ANK3: variants seen among roughly 807,000 people sequenced by gnomAD.
ANK3 encodes the protein ankyrin 3.
ANK3 carries 57 observed loss-of-function variants against 370.9 expected under a neutral mutation model. The ratio of observed to expected loss-of-function variants is 0.15; its 90% CI spans 0.12 to 0.19. The LOEUF (loss-of-function observed/expected upper bound fraction) is 0.19, where lower values mean the gene tolerates loss of function less well. ANK3 is among the 10% of genes least tolerant of loss of function. The pLI, the probability that ANK3 is intolerant of heterozygous loss-of-function variation, is 1.00. For missense variants in ANK3, 4,439 were observed against 5,302.1 expected, an observed-to-expected ratio of 0.84 and a Z score of 5.06; for synonymous variants, 1,929 against 1,946.3, an observed-to-expected ratio of 0.99 and a Z score of 0.23.
chr10:60,159,451 T>G (rs1040892210), intron 23 of ANK3, among the ~76,000 whole-genome samples: 3 of 152,102 alleles, frequency 2.0e-5, no homozygotes, highest in East Asian at 1.9e-4. Context: ...AAGAGAGAGA[T>G]AGACCCCAAT....
intron 7 of ANK3, among the ~76,000 whole-genome samples, chr10:60,238,830 A>T (rs930743705): frequency 1.3e-5 from 2 of 152,098 alleles, no homozygotes; most frequent in Non-Finnish European, 2.9e-5. Flanking sequence ...GAGTATGCTC[A>T]TTTCCAGGTA....
intron 1 of ANK3, among the ~76,000 whole-genome samples, chr10:60,363,003 T>C (rs1190705157): frequency 6.6e-6 from 1 of 151,160 alleles, no homozygotes; most frequent in Non-Finnish European, 1.5e-5. Flanking sequence ...CAAGCCGTTT[T>C]CTTTTGCTAC....
chr10:60,543,780 C>T (rs571346025), intron 2 of ANK3, among the ~76,000 whole-genome samples: 1 of 152,028 alleles, frequency 6.6e-6, no homozygotes, highest in African/African-American at 2.4e-5. Context: ...CAATGCCCAC[C>T]TTCTCCCACC....
chr10:60,377,664 G>T (rs1193362800), intron 1 of ANK3, among the ~76,000 whole-genome samples: 2 of 152,122 alleles, frequency 1.3e-5, no homozygotes, highest in Non-Finnish European at 2.9e-5. Context: ...GAAAGTAAAA[G>T]CCTTCTCCAA....
chr10:60,404,387 C>A (rs1249982854), intron 2 of ANK3, among the ~76,000 whole-genome samples: 1 of 152,022 alleles, frequency 6.6e-6, no homozygotes, highest in Non-Finnish European at 1.5e-5. Context: ...ATGGTACTGG[C>A]ATTAAGATAG....
At chr10:60,483,461 C>G (rs2075274757) in intron 2 of ANK3, among the ~76,000 whole-genome samples, 1 of 152,126 alleles carries the variant, frequency 6.6e-6, no homozygotes, top group Admixed American at 6.6e-5. Context: ...CCTTGCCGCC[C>G]ATTTTCTTCT....
intron 2 of ANK3, among the ~76,000 whole-genome samples, chr10:60,411,465 C>T (rs1466008965): frequency 6.6e-6 from 1 of 152,138 alleles, no homozygotes; most frequent in Non-Finnish European, 1.5e-5. Context: ...TAAAAGAGAA[C>T]CACTTCTAAT....
intron 25 of ANK3, among the ~76,000 whole-genome samples, chr10:60,133,162 T>C (rs909968207): frequency 6.6e-6 from 1 of 152,244 alleles, no homozygotes; most frequent in Non-Finnish European, 1.5e-5. Context: ...GACTATCATT[T>C]ATTCATCTGC....
intron 4 of ANK3, among the ~76,000 whole-genome samples, chr10:60,271,077 AT>A (rs1238616711): frequency 2.0e-5 from 3 of 152,100 alleles, no homozygotes; most frequent in South Asian, 2.1e-4. Flanking sequence ...TTGTATATAT[AT>A]TTTTTCTCTA....
At chr10:60,527,083 G>A (rs561971556) in intron 2 of ANK3, among the ~76,000 whole-genome samples, 1 of 152,042 alleles carries the variant, frequency 6.6e-6, no homozygotes, top group East Asian at 1.9e-4. Flanking sequence ...TCCATAGCGT[G>A]CTAGATGGGC....
intron 28 of ANK3, among the ~76,000 whole-genome samples, chr10:60,092,729 A>ATTTTG (rs998431079): frequency 5.9e-5 from 9 of 152,258 alleles, no homozygotes; most frequent in Admixed American, 1.3e-4. Flanking sequence ...AAAACAAATA[A>ATTTTG]TTTTGTTTTG....
intron 23 of ANK3, among the ~76,000 whole-genome samples, chr10:60,160,319 T>C (rs1473053949): frequency 6.6e-6 from 1 of 152,010 alleles, no homozygotes; most frequent in East Asian, 1.9e-4. Context: ...AATGGATAAA[T>C]TATTAGACAC....
intron 2 of ANK3, among the ~76,000 whole-genome samples, chr10:60,506,686 C>T (rs998058187): frequency 1.3e-5 from 2 of 151,950 alleles, no homozygotes; most frequent in Non-Finnish European, 1.5e-5. Context: ...CTTATTGGGT[C>T]AAAGCATAAT....
chr10:60,639,185 C>T (rs1407764172), intron 1 of ANK3, among the ~76,000 whole-genome samples: 1 of 151,540 alleles, frequency 6.6e-6, no homozygotes, highest in Non-Finnish European at 1.5e-5. Flanking sequence ...CAGAAGATGT[C>T]AGAAACCAAG....
chr10:60,418,354 T>C (rs1429868840), intron 2 of ANK3, among the ~76,000 whole-genome samples: 1 of 152,142 alleles, frequency 6.6e-6, no homozygotes, highest in Non-Finnish European at 1.5e-5. Context: ...TAACATTCCC[T>C]CATCTGCTAC....
intron 24 of ANK3, among the ~76,000 whole-genome samples, chr10:60,136,506 T>C (rs1008591154): frequency 6.6e-6 from 1 of 152,034 alleles, no homozygotes; most frequent in Non-Finnish European, 1.5e-5. Context: ...TTGGGGTGTA[T>C]GAAACAGTTT....
intron 35 of ANK3, chr10:60,081,649 C>T (rs1408195574): frequency 2.1e-5 from 7 of 332,288 alleles, no homozygotes; most frequent in South Asian, 1.0e-4. Flanking sequence ...ACATATTAAA[C>T]GTGATCTTGA....
chr10:60,196,561 A>T lies in ANK3; in HGVS notation c.1754T>A (p.Leu585Gln). The change falls in exon 15 of 44, where the codon CTA (leucine) becomes CAA (glutamine). Residue 585 changes from leucine to glutamine, a missense_variant. Leu to Gln is a moderately radical substitution (Grantham distance 113). Transcript: ENST00000280772. ...AGCATCTGGAGATGCACTTTTCTGT[A>T]GCAGGAGATTGGCGACTTCAAGCTT... ...YGKLEVANLLLQKSASPDAAG... is the reference protein window; with the variant it reads ...YGKLEVANLLQQKSASPDAAG... The T allele has an allele frequency of 6.2e-7, 1 of 1,613,678 alleles. No homozygotes were observed. The highest frequency in any genetic ancestry group is 8.5e-7 in the Non-Finnish European group (1 of 1,179,898).
chr10:60,369,183 A>G (rs2059789155), intron 1 of ANK3, among the ~76,000 whole-genome samples: 2 of 152,230 alleles, frequency 1.3e-5, no homozygotes, highest in Admixed American at 6.5e-5. Flanking sequence ...ATAATTGTAA[A>G]GCAAATAAGC....
Sources: allele counts gnomAD v4.1 joint callset (sites outside exome capture counted in the v4.1 genomes callset), GRCh38; gene constraint gnomAD v4.1.1; transcripts MANE v1.5; gene names NCBI Gene and HGNC (gene_info 2026-07-23, HGNC 2026-07-21).